The following MYO16 variants were observed in gnomAD, a reference collection of about 807,000 sequenced individuals.
MYO16 encodes unconventional myosin-XVI.
Under a neutral mutation model 205.3 loss-of-function variants are expected in MYO16, and 94 were observed. The ratio of observed to expected loss-of-function variants is 0.46; its 90% CI spans 0.39 to 0.54. The LOEUF (loss-of-function observed/expected upper bound fraction) is 0.54, where lower values mean the gene tolerates loss of function less well. Among genes scored for constraint, MYO16 ranks in the 20% least tolerant of loss-of-function variants. MYO16 has a pLI of 0.00. For synonymous variants in MYO16, 988 were observed against 954.0 expected (o/e 1.04, Z -0.66); for missense variants, 2,315 against 2,387.5 (o/e 0.97, Z 0.63).
intron 7 of MYO16, among the ~76,000 whole-genome samples, chr13:108,819,029 C>T (rs1057446718): frequency 1.3e-5 from 2 of 152,076 alleles, no homozygotes; most frequent in Non-Finnish European, 2.9e-5. Context: ...TCTGAGCAAT[C>T]TCTTGGAAAA....
chr13:108,775,250 T>C (rs2138891692), intron 4 of MYO16, among the ~76,000 whole-genome samples: 1 of 152,326 alleles, frequency 6.6e-6, no homozygotes, highest in South Asian at 2.1e-4. Flanking sequence ...TTCTCTCAGT[T>C]TTTTTATTCA....
At chr13:108,921,741 G>A (rs1881753908) in intron 16 of MYO16, among the ~76,000 whole-genome samples, 1 of 152,182 alleles carries the variant, frequency 6.6e-6, no homozygotes, top group South Asian at 2.1e-4. Context: ...ACTGTTAAAA[G>A]CAGCAGGCTT....
intron 15 of MYO16, among the ~76,000 whole-genome samples, chr13:108,898,867 G>T (rs1161457656): frequency 6.6e-6 from 1 of 151,978 alleles, no homozygotes; most frequent in Non-Finnish European, 1.5e-5. Context: ...TACAATTGTA[G>T]GTAGAATTTT....
intron 28 of MYO16, among the ~76,000 whole-genome samples, chr13:109,104,021 C>T (rs781465370): frequency 3.3e-5 from 5 of 152,040 alleles, no homozygotes; most frequent in Non-Finnish European, 5.9e-5. Flanking sequence ...CAGGAGTGAC[C>T]TTATTTTAGA....
Position 109,013,116 on chromosome 13 carries a change from C to CA in MYO16, c.2595+4067_2595+4068insA, listed in dbSNP as rs1555323861. Among the ~76,000 whole-genome samples, 4 of 97,464 alleles carry CA rather than the reference C, an allele frequency of 4.1e-5. 1 individual carries two copies. Among genetic ancestry groups the CA allele is most frequent in the Non-Finnish European group, 8.9e-5 (4 of 44,732 alleles). The allele number at this position is 97,464 out of a possible 152,430, so 63.9% of individuals were successfully genotyped here. On this transcript the variant is annotated intron_variant, in intron 22 of 34. Transcript: ENST00000457511. Reference sequence around the variant, plus strand: ...TCTCCTAATGCTACCCCTCCCCCACCCCCCCCCACCCCACCACAGGCCCCA... The same window carrying CA: ...TCTCCTAATGCTACCCCTCCCCCACCACCCCCCCACCCCACCACAGGCCCCA...
chr13:109,116,354 C>T (rs906880500), intron 28 of MYO16, among the ~76,000 whole-genome samples: 3 of 152,110 alleles, frequency 2.0e-5, no homozygotes, highest in Non-Finnish European at 4.4e-5. Flanking sequence ...AAAAACCCAC[C>T]AGGGGATTGG....
In MYO16 at chr13:108,974,094, G is replaced by A. The variant is rs118129888; in HGVS notation, c.2369+9192G>A. On this transcript the variant is annotated intron_variant, in intron 20 of 34. Coordinates refer to ENST00000457511, the MANE Select transcript of MYO16 (RefSeq NM_001198950.3). ...AGTGGATTAAGTTAAATTGGCTTAC[G>A]TTCTCATTTCCTAATTCTGCACTTT... 6.1e-4 allele frequency among the ~76,000 whole-genome samples: 93 copies of A among 152,250 alleles called. 1 individual carries two copies. In the East Asian group the frequency reaches 0.015, roughly 24 times the overall value.
intron 21 of MYO16, among the ~76,000 whole-genome samples, chr13:109,001,873 A>G (rs1271241395): frequency 6.6e-6 from 1 of 152,156 alleles, no homozygotes; most frequent in Non-Finnish European, 1.5e-5. Flanking sequence ...TGTTCTGCTG[A>G]ACATATTTCA....
At chr13:108,885,115 G>A (rs1370601199) in intron 13 of MYO16, among the ~76,000 whole-genome samples, 1 of 152,204 alleles carries the variant, frequency 6.6e-6, no homozygotes, top group Non-Finnish European at 1.5e-5. Context: ...CAAGGCAGGG[G>A]CTTCCACCCA....
At chr13:109,090,479 G>A (rs1044910948) in intron 27 of MYO16, among the ~76,000 whole-genome samples, 3 of 152,198 alleles carry the variant, frequency 2.0e-5, no homozygotes, top group African/African-American at 7.2e-5. Flanking sequence ...GGGATTGTGG[G>A]GAGATGGGAG....
At chr13:109,012,540 C>T (rs1885636810) in intron 22 of MYO16, among the ~76,000 whole-genome samples, 1 of 152,096 alleles carries the variant, frequency 6.6e-6, no homozygotes. Flanking sequence ...ATAAAGGGCA[C>T]AATAAATGTA....
intron 23 of MYO16, among the ~76,000 whole-genome samples, chr13:109,046,011 GC>G (rs1176553386): frequency 6.6e-6 from 1 of 151,046 alleles, no homozygotes; most frequent in Non-Finnish European, 1.5e-5. Context: ...GCGGATGCTC[GC>G]CCTCCCTCAT....
At chr13:108,810,335 T>C (rs568170539) in intron 7 of MYO16, among the ~76,000 whole-genome samples, 3 of 152,264 alleles carry the variant, frequency 2.0e-5, no homozygotes, top group Non-Finnish European at 4.4e-5. Flanking sequence ...TCCAGCACAG[T>C]GACCGAAAGA....
At position 109,100,897 on chromosome 13, in the gene MYO16, C is replaced by A. The variant is rs760257284; in HGVS notation, c.3438+10C>A. 6.2e-7 allele frequency: 1 copy of A among 1,602,420 alleles called. No individual in the cohort carries two copies. Among genetic ancestry groups the A allele is most frequent in the Non-Finnish European group, 8.5e-7 (1 of 1,170,042 alleles). ...ATTACAAGGCTGGCAGGTTGGTGACCTACAAGCTATGAAAATAACATTTTA... is the reference window on the plus strand; with the variant it reads ...ATTACAAGGCTGGCAGGTTGGTGACATACAAGCTATGAAAATAACATTTTA... On this transcript the variant is annotated intron_variant, in intron 28 of 34. Transcript: ENST00000457511.
chr13:108,661,763 T>C (rs1881513028), intron 1 of MYO16, among the ~76,000 whole-genome samples: 1 of 152,168 alleles, frequency 6.6e-6, no homozygotes, highest in Non-Finnish European at 1.5e-5. Context: ...TTAATAACTA[T>C]CCTTCTGATT....
the MYO16 span, among the ~76,000 whole-genome samples, chr13:108,555,534 A>G: frequency 1.2e-3 from 182 of 152,340 alleles, no homozygotes; most frequent in African/African-American, 4.2e-3. Context: ...GCATTGTGAA[A>G]TGGCTAAATC....
intron 2 of MYO16, among the ~76,000 whole-genome samples, chr13:108,692,450 G>A (rs186677175): frequency 6.6e-6 from 1 of 152,308 alleles, no homozygotes; most frequent in East Asian, 1.9e-4. Flanking sequence ...TTTTGCCTTT[G>A]TGGGGCAGTT....
At chr13:108,759,768 C>T (rs561985755) in intron 4 of MYO16, among the ~76,000 whole-genome samples, 159 of 149,654 alleles carry the variant, frequency 1.1e-3, no homozygotes, top group Non-Finnish European at 1.9e-3. Flanking sequence ...TGCAGTGAGC[C>T]GAGATCGCGC....
the MYO16 span, among the ~76,000 whole-genome samples, chr13:108,532,361 A>G: frequency 6.6e-6 from 1 of 151,984 alleles, no homozygotes. Context: ...TTTATTGGTT[A>G]TCTTCAAAGG....
Sources: gnomAD v4.1 joint callset for allele counts (sites outside exome capture counted in the v4.1 genomes callset) on GRCh38, gnomAD v4.1.1 for gene constraint, MANE v1.5 for transcripts, NCBI Gene and HGNC (gene_info 2026-07-23, HGNC 2026-07-21) for gene names.